MEG3: variants seen among roughly 807,000 people sequenced by gnomAD.
MEG3 encodes the protein Very putative protein from MEG3 locus.
chr14:100,837,249 C>CT lies in MEG3; in HGVS notation n.3045+952dup, dbSNP rs1460356709. 6.6e-6 allele frequency among the ~76,000 whole-genome samples: 1 copy of CT among 152,212 alleles called. No homozygotes were observed. The highest frequency in any genetic ancestry group is 1.5e-5 in the Non-Finnish European group (1 of 68,036). ...AAGAGAGGAGGCTCAGCTGAGGCCACTTTCCTTTCTGGGGGTCCCAGGGAC... is the reference window on the plus strand; with the variant it reads ...AAGAGAGGAGGCTCAGCTGAGGCCACTTTTCCTTTCTGGGGGTCCCAGGGAC... On this transcript the variant is annotated intron_variant and non_coding_transcript_variant, in intron 2 of 3. Coordinates refer to the MEG3 transcript ENST00000398461. This position sits in a 1 kb window ranked among gnomAD's most constrained non-coding sequence, Gnocchi z 5.8.
intron 2 of MEG3, chr14:100,836,435 C>A (rs2037582928): frequency 2.4e-6 from 1 of 418,896 alleles, no homozygotes; most frequent in South Asian, 1.7e-5. Context: ...TCACATCAGC[C>A]CCAGGGGTCT....
At position 100,845,497 on chromosome 14, in the gene MEG3, C is replaced by T. The variant is rs565526185; in HGVS notation, n.3085C>T. 2.2e-5 allele frequency: 10 copies of T among 456,622 alleles called. No homozygotes were observed. The highest frequency in any genetic ancestry group is 9.4e-5 in the Admixed American group (4 of 42,550). The allele number at this position is 456,622 out of a possible 1,614,324, so 28.3% of individuals were successfully genotyped here. ...TGGATGCCTACGTGGGAAGGGACCTCGAATGTGGGACCCCAGCCCCTCTCC... is the reference window on the plus strand; with the variant it reads ...TGGATGCCTACGTGGGAAGGGACCTTGAATGTGGGACCCCAGCCCCTCTCC... On this transcript the variant is annotated non_coding_transcript_exon_variant, in exon 3 of 4. Coordinates refer to the MEG3 transcript ENST00000398461. The surrounding 1 kb of genome is among the most constrained non-coding windows in gnomAD (Gnocchi z 5.2).
chr14:100,854,053 A>G (rs1199611444), upstream of MEG3: 1 of 152,268 alleles, frequency 6.6e-6, no homozygotes, highest in African/African-American at 2.4e-5. Flanking sequence ...TGGTGAATGA[A>G]TGAATGAATT....
chr14:100,860,347 A>G (rs1668405283), exon 1 of MEG3: 1 of 297,898 alleles, frequency 3.4e-6, no homozygotes, highest in Non-Finnish European at 6.6e-6. Context: ...TGGGGATAGC[A>G]TTTAGAGAGG....
At chr14:100,860,852 A>T in exon 2 of MEG3, 1 of 365,248 alleles carries the variant, frequency 2.7e-6, no homozygotes, top group South Asian at 2.0e-5. Flanking sequence ...CCCACCCCGC[A>T]GGAACCCTGA....
At chr14:100,848,296 A>C (rs191617480) in intron 3 of MEG3, 102 of 152,382 alleles carry the variant, frequency 6.7e-4, no homozygotes, top group African/African-American at 2.2e-3. Flanking sequence ...GGAACGGCTC[A>C]AAGCATACAC....
intron 3 of MEG3, chr14:100,847,775 T>A (rs1040776051): frequency 5.3e-5 from 8 of 152,124 alleles, no homozygotes; most frequent in African/African-American, 1.9e-4. Context: ...TGGAAAGCTA[T>A]GACAGAAGAG....
chr14:100,859,897 G>A (rs2038354324), exon 1 of MEG3: 1 of 152,290 alleles, frequency 6.6e-6, no homozygotes, highest in Admixed American at 6.5e-5. Context: ...CTGGGTTCGA[G>A]GCCCCCGCAA....
intron 2 of MEG3, among the ~76,000 whole-genome samples, chr14:100,838,083 G>A (rs1372439071): frequency 6.6e-6 from 1 of 152,130 alleles, no homozygotes; most frequent in Non-Finnish European, 1.5e-5. Context: ...CTGGGGTCCT[G>A]GGGGGATCCT....
intron 2 of MEG3, among the ~76,000 whole-genome samples, chr14:100,836,532 G>A (rs1260211804): frequency 6.6e-6 from 1 of 152,106 alleles, no homozygotes; most frequent in Non-Finnish European, 1.5e-5. Flanking sequence ...GGCATGCTGT[G>A]GGCCGGCGAC....
At chr14:100,827,728 G>T (rs1002791483) in intron 1 of MEG3, among the ~76,000 whole-genome samples, 2 of 152,198 alleles carry the variant, frequency 1.3e-5, no homozygotes, top group Non-Finnish European at 2.9e-5. Flanking sequence ...GCGGGGAGCG[G>T]CGTGGTGGCC....
chr14:100,832,635 T>A (rs1385394694), downstream of MEG3: 1 of 152,630 alleles, frequency 6.6e-6, no homozygotes, highest in Non-Finnish European at 1.5e-5. Context: ...CTGATTATCA[T>A]AATGAGGTGA....
At chr14:100,826,911 CT>C (rs2037249236) in intron 1 of MEG3, among the ~76,000 whole-genome samples, 1 of 151,884 alleles carries the variant, frequency 6.6e-6, no homozygotes, top group African/African-American at 2.4e-5. Flanking sequence ...CAGTAGCCCC[CT>C]AGGATCAGTC....
chr14:100,842,585 G>C (rs543808722), intron 2 of MEG3, among the ~76,000 whole-genome samples: 4 of 152,304 alleles, frequency 2.6e-5, no homozygotes, highest in African/African-American at 9.6e-5. Context: ...TAGGAAGTAC[G>C]AGATCTGAGG....
At chr14:100,834,403 G>C in exon 1 of MEG3, 1 of 269,952 alleles carries the variant, frequency 3.7e-6, no homozygotes, top group South Asian at 4.1e-5. Context: ...GGGGTTTTGT[G>C]CCCAAGGCTC....
chr14:100,833,622 C>A (rs12897172), downstream of MEG3: 30,098 of 152,180 alleles, frequency 0.2, 3,104 homozygotes, highest in Admixed American at 0.26. Context: ...TGCCTGAACC[C>A]TCCTCCTCTT....
intron 1 of MEG3, among the ~76,000 whole-genome samples, chr14:100,828,515 G>GCC (rs71113289): frequency 2.5e-5 from 2 of 79,902 alleles, no homozygotes; most frequent in Admixed American, 1.3e-4. Context: ...CCCTCTCCCT[G>GCC]CCCCCCTCCT....
intron 1 of MEG3, among the ~76,000 whole-genome samples, chr14:100,828,381 TTCTC>T (rs2037307260): frequency 6.8e-6 from 1 of 147,476 alleles, no homozygotes; most frequent in Non-Finnish European, 1.5e-5. Flanking sequence ...CCTCCACCCT[TTCTC>T]ATTTCCTCGT....
chr14:100,852,366 C>CG (rs2038107655), upstream of MEG3: 1 of 533,544 alleles, frequency 1.9e-6, no homozygotes, highest in Admixed American at 1.9e-5. Context: ...ATTTGGAAGG[C>CG]GGAGGACATG....
Sources: gnomAD v4.1 joint callset for allele counts (sites outside exome capture counted in the v4.1 genomes callset) on GRCh38, gnomAD v4.1.1 for gene constraint, Gnocchi (gnomAD v3.1) non-coding constraint, MANE v1.5 for transcripts, NCBI Gene and HGNC (gene_info 2026-07-23, HGNC 2026-07-21) for gene names.